Variants in LIPE observed in about 807,000 individuals in gnomAD.
LIPE encodes the protein hormone-sensitive lipase.
A neutral mutation model predicts 88.5 loss-of-function variants in LIPE; 66 were observed. The observed-to-expected ratio is 0.75, with a 90% CI of 0.61 to 0.91. The LOEUF is 0.91. Among genes scored for constraint, LIPE ranks in the 40% least tolerant of loss-of-function variants. The pLI is 0.00. For synonymous variants in LIPE, 570 were observed against 617.5 expected, an observed-to-expected ratio of 0.92 and a Z score of 1.14; for missense variants, 1,346 against 1,434.7, an observed-to-expected ratio of 0.94 and a Z score of 1.00.
intron 1 of LIPE, chr19:42,425,175 C>T (rs2040685372): frequency 1.2e-5 from 2 of 165,128 alleles, no homozygotes; most frequent in Admixed American, 1.1e-4. Context: ...CCCCAATGTT[C>T]TGCCTAGCCT....
At chr19:42,409,714 G>A (rs576325351) in intron 2 of LIPE, among the ~76,000 whole-genome samples, 3 of 152,372 alleles carry the variant, frequency 2.0e-5, no homozygotes, top group Non-Finnish European at 4.4e-5. Flanking sequence ...GGGCAGCCCC[G>A]GGATCTCTTT....
rs2040242133 is a variant in LIPE, at chr19:42,407,966, A to C, written c.1656+10T>G. 1 of 1,610,348 alleles carries C rather than the reference A, an allele frequency of 6.2e-7. No individual in the cohort carries two copies. On this transcript the variant is annotated intron_variant, in intron 4 of 9. Transcript: ENST00000244289. The surrounding 1 kb of genome is among the most constrained non-coding windows in gnomAD (Gnocchi z 5.8). ...GGGCCTCAGTGTCCCCATCTGCAACAGGCCCTCACCGATAGCACTTCCATC... is the reference window on the plus strand; with the variant it reads ...GGGCCTCAGTGTCCCCATCTGCAACCGGCCCTCACCGATAGCACTTCCATC...
chr19:42,427,106 G>C lies in LIPE; in HGVS notation c.44C>G (p.Pro15Arg), dbSNP rs774482492. Residue 15 changes from proline (P) to arginine (R), a missense_variant, in exon 1 of 10, where the codon CCT (proline) becomes CGT (arginine). Transcript: ENST00000244289. ...GGTTATAGGCCTCTGGTGTGGTTCAGGTTGCCAGTCTGACCTAGACACTGA... is the reference window on the plus strand; with the variant it reads ...GGTTATAGGCCTCTGGTGTGGTTCACGTTGCCAGTCTGACCTAGACACTGA... ...SKSVSRSDWQ[P>R]EPHQRPITPL... The C allele has an allele frequency of 3.7e-6, 6 of 1,611,908 alleles. No individual in the cohort carries two copies. Among genetic ancestry groups the C allele is most frequent in the Non-Finnish European group, 5.1e-6 (6 of 1,179,446 alleles).
rs773320382 is a variant in LIPE, at chr19:42,423,410, C to G, written c.883+2857G>C. 3.9e-6 allele frequency: 5 copies of G among 1,289,514 alleles called. No individual in the cohort carries two copies. The South Asian group carries it at 4.9e-5, about 13-fold the overall frequency. 79.9% of individuals were successfully genotyped at this position (1,289,514 alleles called of 1,614,324 possible). Reference sequence around the variant, plus strand: ...CCTTCCGGGCTGCTGCCGGTCTCCGCGCGCTCACCTTTGGCCTTGTCTTTT... The same window carrying G: ...CCTTCCGGGCTGCTGCCGGTCTCCGGGCGCTCACCTTTGGCCTTGTCTTTT... On this transcript the variant is annotated intron_variant, in intron 1 of 9. Coordinates refer to ENST00000244289, the MANE Select transcript of LIPE (RefSeq NM_005357.4).
chr19:42,410,915 G>A lies in LIPE; in HGVS notation c.884-73C>T. On this transcript the variant is annotated intron_variant, in intron 1 of 9. Coordinates refer to ENST00000244289, the MANE Select transcript of LIPE (RefSeq NM_005357.4). This position sits in a 1 kb window ranked among gnomAD's most constrained non-coding sequence, Gnocchi z 6.1. Reference sequence around the variant, plus strand: ...GCTTAGCTGGGGCCCAGGAGTCTGGGCCATAGCTTACCCACTCCTCCTTCA... The same window carrying A: ...GCTTAGCTGGGGCCCAGGAGTCTGGACCATAGCTTACCCACTCCTCCTTCA... The A allele has an allele frequency of 2.1e-6, 3 of 1,412,030 alleles. No homozygotes were observed. Among genetic ancestry groups the A allele is most frequent in the Non-Finnish European group, 2.9e-6 (3 of 1,051,388 alleles). The allele number at this position is 1,412,030 out of a possible 1,614,324, so 87.5% of individuals were successfully genotyped here. A position where few individuals can be genotyped will look rare whatever the true frequency, so the allele number is the denominator to read the frequency against.
rs775624639 is a variant in LIPE at position 42,407,386 on chromosome 19, C to T, written c.1925G>A (p.Arg642His). 7.4e-6 allele frequency: 12 copies of T among 1,613,526 alleles called. No individual in the cohort carries two copies. The highest frequency in any genetic ancestry group is 5.5e-5 in the South Asian group (5 of 91,062). ...ELWPRPQQAP[R>H]SRSLIVHFHG... ...GAAGTGCACTATCAGGGACCGCGAG[C>T]GGGGTGCCTGCTGGGGGCGCGGCCA... The change falls in exon 6 of 10, where the codon CGC becomes CAC. Residue 642 changes from arginine (R) to histidine (H), a missense_variant. Coordinates refer to ENST00000244289, the MANE Select transcript of LIPE (RefSeq NM_005357.4). The surrounding 1 kb of genome is among the most constrained non-coding windows in gnomAD (Gnocchi z 5.8).
intron 1 of LIPE, among the ~76,000 whole-genome samples, chr19:42,419,058 C>G (rs1202209713): frequency 1.3e-5 from 2 of 152,148 alleles, no homozygotes; most frequent in Non-Finnish European, 2.9e-5. Context: ...GCCGGTGGAT[C>G]ACCTGAGATC....
Position 42,427,049 on chromosome 19 carries a change from AT to A in LIPE, c.100del (p.Ile34Ter), listed in dbSNP as rs1568617273. 6.2e-7 allele frequency: 1 copy of A among 1,613,648 alleles called. No individual in the cohort carries two copies. The highest frequency in any genetic ancestry group is 1.7e-5 in the Admixed American group (1 of 59,968). ...CAGAGTCTTCGATTCTGGCTGGGCT[AT>A]GGGTGTCTTTTCTGGCCCAGGCTCT... ...PLEPGPEKTP[I>X]AQPESKTLQG... On this transcript the variant is annotated frameshift_variant, in exon 1 of 10. Transcript: ENST00000244289. LOFTEE classifies it high-confidence loss of function.
chr19:42,415,292 AC>A (rs1372051398), intron 1 of LIPE, among the ~76,000 whole-genome samples: 1 of 152,018 alleles, frequency 6.6e-6, no homozygotes, highest in African/African-American at 2.4e-5. Flanking sequence ...CCAATTAACA[AC>A]CCTACAATGA....
chr19:42,402,594 C>G lies in LIPE; in HGVS notation c.2967+13G>C. On this transcript the variant is annotated intron_variant, in intron 9 of 9. Coordinates refer to ENST00000244289, the MANE Select transcript of LIPE (RefSeq NM_005357.4). ...CTCTAAATGCACCTGTACCGGCCCC[C>G]TCTGTCGCTCACCACGATGTGCACA... is the stretch of plus-strand genomic sequence containing the variant. 1 of 1,476,854 alleles carries G rather than the reference C, an allele frequency of 6.8e-7. No homozygotes were observed. The highest frequency in any genetic ancestry group is 2.4e-5 in the East Asian group (1 of 42,026). The allele number at this position is 1,476,854 out of a possible 1,614,324, so 91.5% of individuals were successfully genotyped here.
intron 1 of LIPE, among the ~76,000 whole-genome samples, chr19:42,422,360 C>T (rs1249243897): frequency 6.6e-6 from 1 of 152,216 alleles, no homozygotes; most frequent in Non-Finnish European, 1.5e-5. Flanking sequence ...CCGACGCCCA[C>T]GTTTCTTAAC....
In LIPE at chr19:42,426,883, G is replaced by A; in HGVS notation, c.267C>T (p.Ala89=). ...QKSASQEEFL[A]PQKPAPQQSP... Reference sequence around the variant, plus strand: ...ATTGCTGTGGTGCGGGCTTCTGTGGGGCAAGAAATTCCTCTTGTGAAGCAG... The same window carrying A: ...ATTGCTGTGGTGCGGGCTTCTGTGGAGCAAGAAATTCCTCTTGTGAAGCAG... Residue 89 remains alanine, a synonymous_variant, in exon 1 of 10, where the codon GCC becomes GCT. Transcript: ENST00000244289. 6.2e-7 allele frequency: 1 copy of A among 1,614,178 alleles called. No individual in the cohort carries two copies. Among genetic ancestry groups the A allele is most frequent in the Non-Finnish European group, 8.5e-7 (1 of 1,180,036 alleles).
At chr19:42,413,952 C>T (rs908359897) in intron 1 of LIPE, among the ~76,000 whole-genome samples, 2 of 152,166 alleles carry the variant, frequency 1.3e-5, no homozygotes, top group African/African-American at 4.8e-5. Context: ...ACAGAGGCCT[C>T]AGGAGGCAGT....
chr19:42,422,615 G>C (rs927185484), intron 1 of LIPE, among the ~76,000 whole-genome samples: 1 of 152,160 alleles, frequency 6.6e-6, no homozygotes, highest in Non-Finnish European at 1.5e-5. Flanking sequence ...AACCTCCCAC[G>C]GGTCCCCATG....
At chr19:42,424,515 A>G (rs2147676669) in intron 1 of LIPE, 1 of 456,326 alleles carries the variant, frequency 2.2e-6, no homozygotes, top group South Asian at 1.5e-5. Context: ...TGGGGAGAGC[A>G]GGCCTCAATC....
chr19:42,412,571 G>A, intron 1 of LIPE: 1 of 986,658 alleles, frequency 1.0e-6, no homozygotes, highest in Non-Finnish European at 1.2e-6. Context: ...CCCCCCACCT[G>A]CTCCCAGACT....
chr19:42,424,346 A>G (rs1391376423), intron 1 of LIPE: 1 of 456,880 alleles, frequency 2.2e-6, no homozygotes, highest in Non-Finnish European at 4.4e-6. Context: ...GCTCACACGC[A>G]CACAGCCAAC....
At chr19:42,405,033 G>A (rs552610265) in intron 8 of LIPE, among the ~76,000 whole-genome samples, 7 of 151,982 alleles carry the variant, frequency 4.6e-5, no homozygotes, top group Non-Finnish European at 1.0e-4. Flanking sequence ...ACCATACCCT[G>A]CTAATTTATT....
At position 42,414,273 on chromosome 19, in the gene LIPE, A is replaced by AAAAGAAAGG. The variant is rs2040444777; in HGVS notation, c.884-3440_884-3432dup. 6.9e-6 allele frequency among the ~76,000 whole-genome samples: 1 copy of AAAAGAAAGG among 144,448 alleles called. No individual in the cohort carries two copies. Among genetic ancestry groups the AAAAGAAAGG allele is most frequent in the East Asian group, 1.9e-4 (1 of 5,192 alleles). 94.8% of individuals were successfully genotyped at this position (144,448 alleles called of 152,430 possible). A position where few individuals can be genotyped will look rare whatever the true frequency, so the allele number is the denominator to read the frequency against. On this transcript the variant is annotated intron_variant, in intron 1 of 9. Coordinates refer to ENST00000244289, the MANE Select transcript of LIPE (RefSeq NM_005357.4). The surrounding 1 kb of genome is among the most constrained non-coding windows in gnomAD (Gnocchi z 4.6). Reference sequence around the variant, plus strand: ...TGGCGATAAAGCGAGACTCTGTCAGAAAAGAAAGGAAAGAAAGAAAGGAAA... The same window carrying AAAAGAAAGG: ...TGGCGATAAAGCGAGACTCTGTCAGAAAAGAAAGGAAAGAAAGGAAAGAAAGAAAGGAAA...
Sources: gnomAD v4.1 joint callset for allele counts (sites outside exome capture counted in the v4.1 genomes callset) on GRCh38, gnomAD v4.1.1 for gene constraint, Gnocchi (gnomAD v3.1) non-coding constraint, MANE v1.5 for transcripts, NCBI Gene and HGNC (gene_info 2026-07-23, HGNC 2026-07-21) for gene names.